The following DOCK10 variants were observed in gnomAD, a reference collection of about 807,000 sequenced individuals.
The protein encoded by DOCK10 is dedicator of cytokinesis 10.
In DOCK10, 145 loss-of-function variants were observed where a neutral mutation model predicts 280.1. That is an observed-to-expected ratio of 0.52 (90% CI 0.45 to 0.59). The LOEUF is 0.59. Among genes scored for constraint, DOCK10 ranks in the 20% least tolerant of loss-of-function variants. The pLI is 0.00. For synonymous variants in DOCK10, 915 were observed against 942.2 expected, an observed-to-expected ratio of 0.97 and a Z score of 0.53; for missense variants, 2,368 against 2,651.7, an observed-to-expected ratio of 0.89 and a Z score of 2.35.
intron 1 of DOCK10, among the ~76,000 whole-genome samples, chr2:224,992,016 C>T (rs1272260459): frequency 2.0e-5 from 3 of 152,076 alleles, no homozygotes; most frequent in African/African-American, 7.2e-5. Flanking sequence ...AAATTATGTC[C>T]AAGTGGCCTT....
At chr2:224,874,509 C>A (rs1010935974) in intron 9 of DOCK10, among the ~76,000 whole-genome samples, 157 bp downstream of exon 9, 4 of 152,126 alleles carry the variant, frequency 2.6e-5, no homozygotes, top group Admixed American at 6.5e-5. Flanking sequence ...TTTTTGAGCC[C>A]TATGTGTATG....
chr2:224,908,525 ACT>A (rs1375033972), intron 3 of DOCK10, among the ~76,000 whole-genome samples: 1 of 150,688 alleles, frequency 6.6e-6, no homozygotes, highest in African/African-American at 2.5e-5. Flanking sequence ...ACAGAGTCTC[ACT>A]CTGTTGCCCA....
In DOCK10 at chr2:224,819,451, G is replaced by A. The variant is rs777872529; in HGVS notation, c.3262C>T (p.Leu1088Phe). The change falls in exon 29 of 56, where the codon CTT becomes TTT. Residue 1088 changes from leucine to phenylalanine, a missense_variant. By Grantham distance (22) the Leu-to-Phe change is conservative. Coordinates refer to ENST00000258390, the MANE Select transcript of DOCK10 (RefSeq NM_014689.3). ...NYISMFSSGDLKTLCQYKFDF... is the reference protein window; with the variant it reads ...NYISMFSSGDFKTLCQYKFDF... ...CTCCTGTACGTGGTTCTTACCTTAA[G>A]GTCACCGGAGGAGAACATGCTGATG... 5.6e-6 allele frequency: 9 copies of A among 1,603,146 alleles called. No homozygotes were observed. The Middle Eastern group carries it at 5.0e-4, about 88-fold the overall frequency.
At position 225,033,307 on chromosome 2, in the gene DOCK10, C is replaced by T. The variant is rs550523118; in HGVS notation, c.123+8945G>A. Among the ~76,000 whole-genome samples, 6 of 152,128 alleles carry T rather than the reference C, an allele frequency of 3.9e-5. No homozygotes were observed. In the South Asian group the frequency reaches 6.2e-4, roughly 16 times the overall value. On this transcript the variant is annotated intron_variant, in intron 1 of 55. Coordinates refer to ENST00000258390, the MANE Select transcript of DOCK10 (RefSeq NM_014689.3). ...AAGCAATTCTCCTGCCTCAGCCTCC[C>T]GAGCAGCTGGGACTACAGGTGCATG...
At chr2:224,898,295 G>C (rs1700099598) in intron 3 of DOCK10, among the ~76,000 whole-genome samples, 1 of 152,182 alleles carries the variant, frequency 6.6e-6, no homozygotes, top group South Asian at 2.1e-4. Context: ...GTTCAGGGAG[G>C]TGCCCATACA....
chr2:224,811,669 G>T (rs982485506), intron 31 of DOCK10, among the ~76,000 whole-genome samples: 5 of 152,172 alleles, frequency 3.3e-5, no homozygotes, highest in African/African-American at 7.2e-5. Context: ...TGTATAAGGT[G>T]TAAGGAAGGG....
At chr2:224,935,629 G>A (rs1702642517) in intron 1 of DOCK10, among the ~76,000 whole-genome samples, 1 of 152,146 alleles carries the variant, frequency 6.6e-6, no homozygotes, top group African/African-American at 2.4e-5. Context: ...TTTAGTTAGT[G>A]CTGCCTCACA....
intron 2 of DOCK10, among the ~76,000 whole-genome samples, chr2:224,928,700 A>C (rs1289244567): frequency 2.0e-5 from 3 of 152,214 alleles, no homozygotes; most frequent in Non-Finnish European, 4.4e-5. Flanking sequence ...GGAGGATGTG[A>C]CATTTGCTGA....
chr2:224,863,519 C>T (rs1382311842), intron 13 of DOCK10, among the ~76,000 whole-genome samples: 2 of 152,094 alleles, frequency 1.3e-5, no homozygotes, highest in African/African-American at 4.8e-5. Flanking sequence ...GTGGCAGGAT[C>T]TTGGCTCACT....
chr2:224,849,461 C>A lies in DOCK10; in HGVS notation c.2235+46G>T, dbSNP rs577304146. On this transcript the variant is annotated intron_variant, in intron 19 of 55. Transcript: ENST00000258390. ...CTGCACGGTTATCTGAACATTTACC[C>A]ACCTTTCTTAGGAACCGCTGGGGGC... 346 of 1,392,750 alleles carry A rather than the reference C, an allele frequency of 2.5e-4. 4 individuals are homozygous for A. In the South Asian group the frequency reaches 4.0e-3, roughly 16 times the overall value. 86.3% of individuals were successfully genotyped at this position (1,392,750 alleles called of 1,614,324 possible).
At chr2:224,907,025 A>G (rs1250383087) in intron 3 of DOCK10, among the ~76,000 whole-genome samples, 4 of 152,206 alleles carry the variant, frequency 2.6e-5, no homozygotes, top group Non-Finnish European at 5.9e-5. Flanking sequence ...GGGACAAGAA[A>G]TTTCTATGTA....
intron 27 of DOCK10, among the ~76,000 whole-genome samples, chr2:224,824,609 T>A (rs1694725940): frequency 6.6e-6 from 1 of 151,762 alleles, no homozygotes; most frequent in Non-Finnish European, 1.5e-5. Flanking sequence ...ACCCAGCTAA[T>A]TTTTAGTAGT....
chr2:224,885,644 C>A, intron 7 of DOCK10, 27 bp downstream of exon 7: 1 of 1,539,942 alleles, frequency 6.5e-7, no homozygotes, highest in Non-Finnish European at 8.7e-7. Flanking sequence ...AAAAAAATCC[C>A]AAGGAGGAAA....
intron 40 of DOCK10, among the ~76,000 whole-genome samples, chr2:224,801,300 A>AAAC (rs1553568068): frequency 1.9e-4 from 28 of 151,050 alleles, no homozygotes; most frequent in Admixed American, 2.0e-4. Context: ...AAAAAAAAAA[A>AAAC]AAACATATTT....
At chr2:224,888,374 G>A (rs1699439231) in intron 4 of DOCK10, among the ~76,000 whole-genome samples, 1 of 151,752 alleles carries the variant, frequency 6.6e-6, no homozygotes, top group South Asian at 2.1e-4. Flanking sequence ...TGTATTGTAT[G>A]TATATGTGTG....
intron 1 of DOCK10, among the ~76,000 whole-genome samples, chr2:225,000,225 G>GACAC (rs10531607): frequency 2.1e-5 from 3 of 144,648 alleles, no homozygotes; most frequent in African/African-American, 5.6e-5. Context: ...CACACACACA[G>GACAC]ACACACACAC....
At chr2:224,772,339 A>C (rs760500770) in intron 53 of DOCK10, among the ~76,000 whole-genome samples, 1 of 152,214 alleles carries the variant, frequency 6.6e-6, no homozygotes, top group Non-Finnish European at 1.5e-5. Context: ...TAATATAATA[A>C]ATAAAAATTA....
In DOCK10 at chr2:224,970,780, T is replaced by C. The variant is rs1705039091; in HGVS notation, c.124-39112A>G. 6.6e-6 allele frequency among the ~76,000 whole-genome samples: 1 copy of C among 152,242 alleles called. No homozygotes were observed. Among genetic ancestry groups the C allele is most frequent in the Non-Finnish European group, 1.5e-5 (1 of 68,042 alleles). On this transcript the variant is annotated intron_variant, in intron 1 of 55. Coordinates refer to ENST00000258390, the MANE Select transcript of DOCK10 (RefSeq NM_014689.3). The surrounding 1 kb of genome is among the most constrained non-coding windows in gnomAD (Gnocchi z 4.6). ...AACTAGTTTGGAGCAAGAATCCCTA[T>C]GACAGAATTGGCTTTCATCTCCAAA...
chr2:224,892,495 T>C (rs1412680136), intron 4 of DOCK10, among the ~76,000 whole-genome samples: 5 of 149,774 alleles, frequency 3.3e-5, no homozygotes, highest in African/African-American at 1.2e-4. Flanking sequence ...GTGATCCTTG[T>C]GGAAATGGCA....
Sources: gnomAD v4.1 joint callset for allele counts (sites outside exome capture counted in the v4.1 genomes callset) on GRCh38, gnomAD v4.1.1 for gene constraint, Gnocchi (gnomAD v3.1) non-coding constraint, MANE v1.5 for transcripts, NCBI Gene and HGNC (gene_info 2026-07-23, HGNC 2026-07-21) for gene names.